ATIC: variants seen among roughly 807,000 people sequenced by gnomAD.
ATIC encodes 5-aminoimidazole-4-carboxamide ribonucleotide formyltransferase/IMP cyclohydrolase.
In ATIC, 64 loss-of-function variants were observed where a neutral mutation model predicts 72.5. That is an observed-to-expected ratio of 0.88 (90% CI 0.72 to 1.09). ATIC has a LOEUF of 1.09. Among genes scored for constraint, ATIC ranks in the 50% least tolerant of loss-of-function variants. The probability of loss-of-function intolerance (pLI) is 0.00; values close to 1 mark genes in which losing one functional copy is unlikely to be tolerated. For missense variants in ATIC, 787 were observed against 732.4 expected, an observed-to-expected ratio of 1.07 and a Z score of -0.86; for synonymous variants, 281 against 267.1, an observed-to-expected ratio of 1.05 and a Z score of -0.51.
At chr2:215,359,014 TG>T in the ATIC span, among the ~76,000 whole-genome samples, 1 of 152,158 alleles carries the variant, frequency 6.6e-6, no homozygotes, top group Admixed American at 6.5e-5. Context: ...TCCCGAGTTA[TG>T]GGGACCACAG....
At chr2:215,346,235 C>T (rs1169426046) in intron 13 of ATIC, among the ~76,000 whole-genome samples, 1 of 152,172 alleles carries the variant, frequency 6.6e-6, no homozygotes, top group Non-Finnish European at 1.5e-5. Context: ...GATCATAGCT[C>T]ATTGTAGCCT....
intron 4 of ATIC, among the ~76,000 whole-genome samples, chr2:215,322,199 G>A (rs537273797): frequency 1.1e-4 from 17 of 151,976 alleles, no homozygotes; most frequent in African/African-American, 3.6e-4. Context: ...CACCATGCCC[G>A]GCCCACAAAA....
At chr2:215,338,258 G>A (rs1365019904) in intron 11 of ATIC, among the ~76,000 whole-genome samples, 1 of 152,178 alleles carries the variant, frequency 6.6e-6, no homozygotes, top group Non-Finnish European at 1.5e-5. Context: ...CTTCCAAATA[G>A]CAAAGACACA....
intron 12 of ATIC, 76 bp from the exon 13 acceptor site, chr2:215,344,703 A>G (rs1187005072): frequency 3.6e-6 from 5 of 1,405,892 alleles, no homozygotes; most frequent in Non-Finnish European, 5.0e-6. Context: ...ACAAAAAATA[A>G]TATTTAAAAA....
At chr2:215,334,708 A>T (rs2052936238) in intron 9 of ATIC, among the ~76,000 whole-genome samples, 1 of 152,170 alleles carries the variant, frequency 6.6e-6, no homozygotes, top group Admixed American at 6.6e-5. Context: ...TTCACAGAAA[A>T]AGTTTTCTGA....
At chr2:215,344,579 G>A (rs1156310639) in intron 12 of ATIC, among the ~76,000 whole-genome samples, 200 bp from the exon 13 acceptor site, 2 of 151,936 alleles carry the variant, frequency 1.3e-5, no homozygotes, top group Non-Finnish European at 2.9e-5. Context: ...TGTAATTGAA[G>A]TGTGAGAATC....
the ATIC span, among the ~76,000 whole-genome samples, chr2:215,355,699 T>C: frequency 6.6e-6 from 1 of 152,256 alleles, no homozygotes. Context: ...GAAAAGTGCA[T>C]GAAACTTTTA....
intron 6 of ATIC, 35 bp downstream of exon 6, chr2:215,326,173 C>T (rs1188371041): frequency 1.2e-6 from 2 of 1,612,752 alleles, no homozygotes; most frequent in Admixed American, 1.7e-5. Flanking sequence ...TAAGTTACAT[C>T]CATGGAGTGC....
At chr2:215,318,028 TA>T in intron 2 of ATIC, 128 bp from the exon 3 acceptor site, 1 of 828,216 alleles carries the variant, frequency 1.2e-6, no homozygotes, top group Non-Finnish European at 2.0e-6. Context: ...TGAAATACTT[TA>T]AAAAATCAGA....
chr2:215,326,696 G>C, intron 6 of ATIC, 126 bp from the exon 7 acceptor site: 1 of 1,121,556 alleles, frequency 8.9e-7, no homozygotes, highest in South Asian at 1.2e-5. Context: ...TGGTGTCATC[G>C]TGTTGTGCAG....
the ATIC span, among the ~76,000 whole-genome samples, chr2:215,367,273 C>T: frequency 2.0e-5 from 3 of 152,106 alleles, no homozygotes; most frequent in Non-Finnish European, 2.9e-5. Context: ...AAAATTAAAA[C>T]GTATTAGAAT....
intron 12 of ATIC, among the ~76,000 whole-genome samples, chr2:215,343,218 G>A (rs2053038506): frequency 6.6e-6 from 1 of 150,870 alleles, no homozygotes; most frequent in African/African-American, 2.4e-5. Context: ...ATTTTAATTT[G>A]CATAATAGCT....
downstream of ATIC, chr2:215,349,769 T>C: frequency 6.4e-7 from 1 of 1,550,832 alleles, no homozygotes; most frequent in South Asian, 1.1e-5. Flanking sequence ...ACTGGATCCA[T>C]AGTTTTTGGT....
In ATIC at chr2:215,318,242, T is replaced by G. The variant is rs1412014589; in HGVS notation, c.223+9T>G. Reference sequence around the variant, plus strand: ...TCCTGCAGTCCATGCTGGTAAGTGGTTGGTATCTTTAATGTAAAAACAGTC... The same window carrying G: ...TCCTGCAGTCCATGCTGGTAAGTGGGTGGTATCTTTAATGTAAAAACAGTC... On this transcript the variant is annotated intron_variant, in intron 3 of 15. Coordinates refer to ENST00000236959, the MANE Select transcript of ATIC (RefSeq NM_004044.7). 1 of 1,610,770 alleles carries G rather than the reference T, an allele frequency of 6.2e-7. No homozygotes were observed. The highest frequency in any genetic ancestry group is 8.5e-7 in the Non-Finnish European group (1 of 1,176,898).
In ATIC at chr2:215,326,945, C is replaced by T. The variant is rs571191011; in HGVS notation, c.655C>T (p.Leu219=). ...GMNPHQTPAQ[L]YTLQPKLPIT... ...GAACCCACATCAGACCCCTGCCCAG[C>T]TGTACACACTGCAGCCCAAGCTTCC... Residue 219 remains leucine, a synonymous_variant, in exon 7 of 16, where the codon CTG becomes TTG. Transcript: ENST00000236959. 1.9e-5 allele frequency: 31 copies of T among 1,614,196 alleles called. No homozygotes were observed. The South Asian group carries it at 3.0e-4, about 15-fold the overall frequency.
intron 14 of ATIC, among the ~76,000 whole-genome samples, chr2:215,348,021 A>G (rs1252874131): frequency 6.6e-6 from 1 of 152,148 alleles, no homozygotes; most frequent in Non-Finnish European, 1.5e-5. Context: ...GGAAAGGACA[A>G]ACACTGTGTC....
At chr2:215,322,066 A>T (rs2052773745) in intron 4 of ATIC, among the ~76,000 whole-genome samples, 1 of 151,566 alleles carries the variant, frequency 6.6e-6, no homozygotes, top group Admixed American at 6.6e-5. Context: ...ACACTTGGCT[A>T]ATTTTTTTGG....
In ATIC at chr2:215,312,215, C is replaced by T. The variant is rs932334056; in HGVS notation, c.19+54C>T. 15 of 1,469,206 alleles carry T rather than the reference C, an allele frequency of 1.0e-5. No individual in the cohort carries two copies. The African/African-American group carries it at 2.1e-4, about 20-fold the overall frequency. The allele number at this position is 1,469,206 out of a possible 1,614,324, so 91.0% of individuals were successfully genotyped here. A position where few individuals can be genotyped will look rare whatever the true frequency, so the allele number is the denominator to read the frequency against. ...GCGTCCTCGCCTGCGGCCCCCCACGCTCCCGCCTTGGCGGCGGCCGGCGGG... is the reference window on the plus strand; with the variant it reads ...GCGTCCTCGCCTGCGGCCCCCCACGTTCCCGCCTTGGCGGCGGCCGGCGGG... On this transcript the variant is annotated intron_variant, in intron 1 of 15. Transcript: ENST00000236959.
chr2:215,312,091 G>T lies in ATIC; in HGVS notation c.-52G>T, dbSNP rs1206266268. ...CCCGGCAGCCCTCCTACCTGCGCAC[G>T]TGGTGCCGCCGCTGCTGCCTCCCGC... On this transcript the variant is annotated 5_prime_UTR_variant, in exon 1 of 16. Coordinates refer to ENST00000236959, the MANE Select transcript of ATIC (RefSeq NM_004044.7). 1.3e-6 allele frequency: 2 copies of T among 1,530,026 alleles called. No individual in the cohort carries two copies. The highest frequency in any genetic ancestry group is 1.7e-6 in the Non-Finnish European group (2 of 1,144,690). The allele number at this position is 1,530,026 out of a possible 1,614,324, so 94.8% of individuals were successfully genotyped here. A position where few individuals can be genotyped will look rare whatever the true frequency, so the allele number is the denominator to read the frequency against.
Sources: gnomAD v4.1 joint callset for allele counts (sites outside exome capture counted in the v4.1 genomes callset) on GRCh38, gnomAD v4.1.1 for gene constraint, MANE v1.5 for transcripts, NCBI Gene and HGNC (gene_info 2026-07-23, HGNC 2026-07-21) for gene names.